SMIM7: variants seen among roughly 807,000 people sequenced by gnomAD.
The protein encoded by SMIM7 is small integral membrane protein 7, also known as UPF0608 protein C19orf42.
Under a neutral mutation model 13.3 loss-of-function variants are expected in SMIM7, and 12 were observed. That is an observed-to-expected ratio of 0.90 (90% CI 0.58 to 1.46). The LOEUF (loss-of-function observed/expected upper bound fraction) is 1.46. Ranked by LOEUF, SMIM7 falls within the 40% of genes most tolerant of loss-of-function variation. The pLI is 0.00. For missense variants in SMIM7, 114 were observed against 94.8 expected, an observed-to-expected ratio of 1.20 and a Z score of -0.84; for synonymous variants, 36 against 35.8, an observed-to-expected ratio of 1.01 and a Z score of -0.02.
At chr19:16,636,793 A>C (rs2086364164) in intron 4 of SMIM7, among the ~76,000 whole-genome samples, 1 of 152,028 alleles carries the variant, frequency 6.6e-6, no homozygotes, top group East Asian at 1.9e-4. Context: ...CTCTACAAAA[A>C]AAATAAAAAA....
downstream of SMIM7, among the ~76,000 whole-genome samples, chr19:16,642,882 G>A (rs549786490): frequency 9.3e-5 from 14 of 150,244 alleles, no homozygotes; most frequent in African/African-American, 2.9e-4. Flanking sequence ...GCAGTGCAGC[G>A]GCGCGATCAT....
At chr19:16,634,764 T>A (rs2086346498) in intron 4 of SMIM7, 2 of 113,646 alleles carry the variant, frequency 1.8e-5, no homozygotes, top group South Asian at 5.4e-4. Context: ...GGCAACAGAC[T>A]GAGACTCTGT....
downstream of SMIM7, among the ~76,000 whole-genome samples, chr19:16,644,118 GTTTTTTTTTTTT>G (rs557600997): frequency 1.2e-5 from 1 of 85,430 alleles, no homozygotes; most frequent in African/African-American, 4.9e-5. Context: ...AATTGTTTGC[GTTTTTTTTTTTT>G]TTTTTTTTTT....
downstream of SMIM7, among the ~76,000 whole-genome samples, chr19:16,642,494 G>A (rs1209782196): frequency 1.3e-5 from 2 of 151,964 alleles, no homozygotes; most frequent in South Asian, 2.1e-4. Context: ...AGGTTGCAGT[G>A]AACCAAGATC....
Position 16,654,024 on chromosome 19 carries a change from G to T in SMIM7, c.212+11C>A. ...AGACGACAGTGAAAGGAAAGGGCAG[G>T]CTGGACTCACACAATCATGCAGAAC... On this transcript the variant is annotated intron_variant, in intron 4 of 4. Coordinates refer to ENST00000487416, the MANE Select transcript of SMIM7 (RefSeq NM_024104.4). The T allele has an allele frequency of 6.2e-7, 1 of 1,612,260 alleles. No individual in the cohort carries two copies. The highest frequency in any genetic ancestry group is 8.5e-7 in the Non-Finnish European group (1 of 1,178,816).
intron 3 of SMIM7, among the ~76,000 whole-genome samples, chr19:16,658,435 G>A (rs2122555637): frequency 1.3e-5 from 2 of 152,342 alleles, no homozygotes; most frequent in Non-Finnish European, 2.9e-5. Context: ...TCAGCAGGAA[G>A]TGTAAATTCT....
In SMIM7 at chr19:16,659,942, G is replaced by C; in HGVS notation, c.68+17C>G. 2 of 1,606,822 alleles carry C rather than the reference G, an allele frequency of 1.2e-6. No individual in the cohort carries two copies. Among genetic ancestry groups the C allele is most frequent in the South Asian group, 1.1e-5 (1 of 89,930 alleles). On this transcript the variant is annotated intron_variant, in intron 2 of 4. Coordinates refer to ENST00000487416, the MANE Select transcript of SMIM7 (RefSeq NM_024104.4). Reference sequence around the variant, plus strand: ...GGTTCCCCGGATGGAGCCGCAGTCCGGCCGCGACCTACTCACAGCTTAAAG... The same window carrying C: ...GGTTCCCCGGATGGAGCCGCAGTCCCGCCGCGACCTACTCACAGCTTAAAG...
In SMIM7 at chr19:16,651,195, T is replaced by G. The variant is rs2086520178; in HGVS notation, c.212+2840A>C. Among the ~76,000 whole-genome samples, 3 of 152,220 alleles carry G rather than the reference T, an allele frequency of 2.0e-5. 1 individual carries two copies. The highest frequency in any genetic ancestry group is 1.3e-4 in the Admixed American group (2 of 15,270). On this transcript the variant is annotated intron_variant, in intron 4 of 4. Transcript: ENST00000487416. Reference sequence around the variant, plus strand: ...CACCCATGGCCCCCAGTGAAAGAGTTGGCCTGGGTCAGAGGTTGGCACATT... The same window carrying G: ...CACCCATGGCCCCCAGTGAAAGAGTGGGCCTGGGTCAGAGGTTGGCACATT...
chr19:16,634,848 A>T (rs1015456260), intron 4 of SMIM7: 3 of 151,490 alleles, frequency 2.0e-5, no homozygotes, highest in African/African-American at 7.3e-5. Context: ...ACGTGCGTAC[A>T]TGTAAATGTC....
chr19:16,648,201 G>A (rs1264416785), intron 4 of SMIM7, among the ~76,000 whole-genome samples: 2 of 152,054 alleles, frequency 1.3e-5, no homozygotes, highest in African/African-American at 4.8e-5. Flanking sequence ...AGTGCCGTGG[G>A]GCGATCTCGG....
At chr19:16,636,921 C>T (rs2086365116) in intron 4 of SMIM7, among the ~76,000 whole-genome samples, 3 of 152,088 alleles carry the variant, frequency 2.0e-5, no homozygotes, top group Non-Finnish European at 2.9e-5. Context: ...CCACTGCACT[C>T]CAGCTTCAGC....
intron 3 of SMIM7, 22 bp from the exon 4 acceptor site, chr19:16,654,147 T>C: frequency 1.2e-6 from 2 of 1,601,272 alleles, no homozygotes; most frequent in Non-Finnish European, 1.7e-6. Flanking sequence ...AGAAAGCACT[T>C]TTATGGCACA....
chr19:16,647,747 C>T (rs755841546), intron 4 of SMIM7, among the ~76,000 whole-genome samples: 3 of 151,884 alleles, frequency 2.0e-5, no homozygotes, highest in African/African-American at 4.8e-5. Context: ...TGAGCCACTC[C>T]GCACAGCCAA....
intron 4 of SMIM7, chr19:16,636,416 C>T (rs1267883089): frequency 6.6e-6 from 1 of 152,054 alleles, no homozygotes. Flanking sequence ...GTCACCCAGG[C>T]TGGAGTACAG....
Position 16,659,967 on chromosome 19 carries a change from G to C in SMIM7, c.60C>G (p.Asn20Lys). The C allele has an allele frequency of 6.2e-7, 1 of 1,612,950 alleles. No individual in the cohort carries two copies. Among genetic ancestry groups the C allele is most frequent in the African/African-American group, 1.3e-5 (1 of 75,044 alleles). Residue 20 changes from asparagine (N) to lysine (K), a missense_variant, in exon 2 of 5, where the codon AAC becomes AAG. Transcript: ENST00000487416. The stretch of plus-strand genomic sequence containing the variant: ...GGCCGCGACCTACTCACAGCTTAAA[G>C]TTCAGCACCGCCCCGGCATTCATCA... The part of the protein sequence containing the change: ...TLLMNAGAVL[N>K]FKLKKKDTQG...
chr19:16,653,527 G>C (rs2086556068), intron 4 of SMIM7, among the ~76,000 whole-genome samples: 1 of 151,594 alleles, frequency 6.6e-6, no homozygotes. Flanking sequence ...AGGTTGCAGT[G>C]AGCCGAGATC....
chr19:16,636,479 C>T (rs1469204074), intron 4 of SMIM7: 2 of 152,400 alleles, frequency 1.3e-5, no homozygotes, highest in Non-Finnish European at 1.5e-5. Flanking sequence ...AAGCGATTCT[C>T]CTGCCTCAGC....
chr19:16,654,406 T>C (rs892887414), intron 3 of SMIM7, among the ~76,000 whole-genome samples: 2 of 152,100 alleles, frequency 1.3e-5, no homozygotes, highest in African/African-American at 2.4e-5. Context: ...CTGGGACTTT[T>C]CCCCCAACTA....
chr19:16,633,092 G>A (rs1177897402), intron 4 of SMIM7, among the ~76,000 whole-genome samples: 1 of 152,284 alleles, frequency 6.6e-6, no homozygotes, highest in South Asian at 2.1e-4. Flanking sequence ...GCCACAGGGA[G>A]CCTTGTGGGT....
Sources: allele counts gnomAD v4.1 joint callset (sites outside exome capture counted in the v4.1 genomes callset), GRCh38; gene constraint gnomAD v4.1.1; transcripts MANE v1.5; gene names NCBI Gene and HGNC (gene_info 2026-07-23, HGNC 2026-07-21).